CTNNA2: variants seen among roughly 807,000 people sequenced by gnomAD.
CTNNA2 encodes the protein catenin alpha-2.
A neutral mutation model predicts 101.0 loss-of-function variants in CTNNA2; 42 were observed. That is an observed-to-expected ratio of 0.42 (90% confidence interval 0.32 to 0.54). The LOEUF (loss-of-function observed/expected upper bound fraction) is 0.54. Among genes scored for constraint, CTNNA2 ranks in the 20% least tolerant of loss-of-function variants. The pLI is 0.14. For missense variants in CTNNA2, 871 were observed against 1,223.1 expected, an observed-to-expected ratio of 0.71 and a Z score of 4.29; for synonymous variants, 450 against 456.4, an observed-to-expected ratio of 0.99 and a Z score of 0.18.
At chr2:80,264,981 T>G (rs1672895617) in intron 7 of CTNNA2, among the ~76,000 whole-genome samples, 1 of 151,212 alleles carries the variant, frequency 6.6e-6, no homozygotes, top group South Asian at 2.1e-4. Context: ...AGAGGTGTTT[T>G]TTTTTTTTTT....
At chr2:79,382,624 TC>T in intron 4 of CTNNA2, among the ~76,000 whole-genome samples, 1 of 152,312 alleles carries the variant, frequency 6.6e-6, no homozygotes, top group East Asian at 1.9e-4. Flanking sequence ...AAATTTTTTT[TC>T]TTTTTTTGAG....
At chr2:80,452,762 T>A (rs1432548729) in intron 9 of CTNNA2, among the ~76,000 whole-genome samples, 1 of 151,470 alleles carries the variant, frequency 6.6e-6, no homozygotes, top group Non-Finnish European at 1.5e-5. Flanking sequence ...TAGAGAAGAT[T>A]CAATTTGAGA....
chr2:80,552,302 C>A (rs919846672), intron 11 of CTNNA2, among the ~76,000 whole-genome samples: 2 of 151,862 alleles, frequency 1.3e-5, no homozygotes, highest in Non-Finnish European at 2.9e-5. Flanking sequence ...CGCAGAGTTG[C>A]AACAAACCTT....
rs1413537928 is a variant in CTNNA2, at chr2:80,608,229, C to T, written c.2341C>T (p.Arg781Ter). Residue 781 changes from arginine (R) to a stop codon, truncating the protein, a stop_gained, in exon 17 of 19, where the codon CGA (arginine) becomes TGA (stop). Transcript: ENST00000402739. LOFTEE classifies it high-confidence loss of function. ...CKQDLLAYLQ[R>*]IALYCHQLNI... The stretch of plus-strand genomic sequence containing the variant: ...GCAGGATTTATTAGCCTACCTTCAA[C>T]GAATTGCCTTGTATTGCCATCAGCT... The T allele has an allele frequency of 6.2e-7, 1 of 1,610,712 alleles. No homozygotes were observed. Among genetic ancestry groups the T allele is most frequent in the South Asian group, 1.1e-5 (1 of 90,916 alleles).
At position 79,247,896 on chromosome 2, in the gene CTNNA2, C is replaced by T. The variant is rs185746928; in HGVS notation, c.-406+49820C>T. Among the ~76,000 whole-genome samples, 27 of 152,298 alleles carry T rather than the reference C, an allele frequency of 1.8e-4. No individual in the cohort carries two copies. In the East Asian group the frequency reaches 4.6e-3, roughly 26 times the overall value. On this transcript the variant is annotated intron_variant, in intron 2 of 21. Transcript: ENST00000466387. ...AAAGATCAAGAAAATGAATTCTTCT[C>T]TGGAGCCTCTAGAAGGAGCACGGCC...
chr2:79,383,927 C>T (rs1678068920), intron 4 of CTNNA2, among the ~76,000 whole-genome samples: 1 of 152,102 alleles, frequency 6.6e-6, no homozygotes, highest in Non-Finnish European at 1.5e-5. Flanking sequence ...CAACTGTTAT[C>T]TTTGAAAATA....
intron 7 of CTNNA2, among the ~76,000 whole-genome samples, chr2:80,342,026 G>A (rs1320377498): frequency 6.6e-6 from 1 of 152,154 alleles, no homozygotes; most frequent in Non-Finnish European, 1.5e-5. Context: ...ACTGTGTATT[G>A]TACAATTTCA....
chr2:80,348,765 A>G (rs933806405), intron 7 of CTNNA2, among the ~76,000 whole-genome samples: 1 of 151,976 alleles, frequency 6.6e-6, no homozygotes, highest in Admixed American at 6.6e-5. Context: ...TTAAATAACA[A>G]CAAACAAGCA....
intron 1 of CTNNA2, among the ~76,000 whole-genome samples, chr2:79,604,643 G>T (rs1677768411): frequency 6.6e-6 from 1 of 152,172 alleles, no homozygotes; most frequent in Non-Finnish European, 1.5e-5. Context: ...GAGACCTGAG[G>T]CTGGTGAAAG....
chr2:79,799,589 CAGTT>C, intron 3 of CTNNA2, among the ~76,000 whole-genome samples: 1 of 152,200 alleles, frequency 6.6e-6, no homozygotes, highest in South Asian at 2.1e-4. Context: ...TTGGAGGTAT[CAGTT>C]AGGCTGATAC....
At chr2:80,238,933 A>G (rs542930723) in intron 7 of CTNNA2, among the ~76,000 whole-genome samples, 1 of 152,322 alleles carries the variant, frequency 6.6e-6, no homozygotes, top group Non-Finnish European at 1.5e-5. Context: ...GAGGCTTAAT[A>G]TAGTCCGTAT....
intron 1 of CTNNA2, among the ~76,000 whole-genome samples, chr2:79,636,269 CAAAAAAAAAAAA>C (rs57739991): frequency 8.9e-5 from 6 of 67,254 alleles, no homozygotes; most frequent in East Asian, 6.6e-4. Flanking sequence ...GACTCTGTCT[CAAAAAAAAAAAA>C]AAAAAAAAAA....
At chr2:79,612,164 A>G (rs1167457439) in intron 1 of CTNNA2, among the ~76,000 whole-genome samples, 1 of 152,180 alleles carries the variant, frequency 6.6e-6, no homozygotes. Flanking sequence ...CTGGTAGAAC[A>G]AATGAATCCT....
At chr2:80,042,456 A>C (rs1487508297) in intron 7 of CTNNA2, among the ~76,000 whole-genome samples, 1 of 152,186 alleles carries the variant, frequency 6.6e-6, no homozygotes, top group Non-Finnish European at 1.5e-5. Flanking sequence ...ATCCTAAAGA[A>C]ACATCGAAGG....
intron 2 of CTNNA2, among the ~76,000 whole-genome samples, chr2:79,286,643 C>T (rs199589827): frequency 2.1e-3 from 320 of 152,298 alleles, no homozygotes; most frequent in African/African-American, 7.5e-3. Context: ...TAATGGGCTT[C>T]CCTTTGAGGG....
chr2:80,464,871 G>C (rs925656351), intron 9 of CTNNA2, among the ~76,000 whole-genome samples: 4 of 152,106 alleles, frequency 2.6e-5, no homozygotes, highest in African/African-American at 9.7e-5. Flanking sequence ...ATTGTTCAGC[G>C]GGCTAGTAAG....
At chr2:80,285,376 A>G (rs1321959887) in intron 7 of CTNNA2, among the ~76,000 whole-genome samples, 2 of 152,174 alleles carry the variant, frequency 1.3e-5, no homozygotes, top group Non-Finnish European at 2.9e-5. Flanking sequence ...CCACATTCTC[A>G]CTGGATTATT....
intron 9 of CTNNA2, among the ~76,000 whole-genome samples, chr2:80,467,555 C>T (rs981002961): frequency 7.2e-5 from 11 of 152,248 alleles, no homozygotes; most frequent in East Asian, 1.9e-4. Context: ...ATTATTTCTA[C>T]GAAAACAAGA....
chr2:80,200,592 A>G (rs534385250), intron 7 of CTNNA2, among the ~76,000 whole-genome samples: 2 of 151,954 alleles, frequency 1.3e-5, no homozygotes, highest in Non-Finnish European at 2.9e-5. Context: ...CTGGAGTGCA[A>G]TGGCGTGATC....
Sources: gnomAD v4.1 joint callset for allele counts (sites outside exome capture counted in the v4.1 genomes callset) on GRCh38, gnomAD v4.1.1 for gene constraint, MANE v1.5 for transcripts, NCBI Gene and HGNC (gene_info 2026-07-23, HGNC 2026-07-21) for gene names.